Variants in GABRR1 observed in about 807,000 individuals in gnomAD.
GABRR1 encodes gamma-aminobutyric acid type A receptor subunit rho1, also known as gamma-aminobutyric acid receptor subunit rho-1.
GABRR1 carries 59 observed loss-of-function variants against 55.5 expected under a neutral mutation model. The observed-to-expected ratio is 1.06, with a 90% CI of 0.86 to 1.32. The LOEUF (loss-of-function observed/expected upper bound fraction) is 1.32. Among genes scored for constraint, GABRR1 ranks in the 40% most tolerant of loss-of-function variants. GABRR1 has a pLI of 0.00. For synonymous variants in GABRR1, 213 were observed against 226.0 expected (o/e 0.94, Z 0.51); for missense variants, 602 against 619.1 (o/e 0.97, Z 0.29).
At chr6:89,183,998 A>G (rs451498) in intron 7 of GABRR1, among the ~76,000 whole-genome samples, 71,947 of 151,870 alleles carry the variant, frequency 0.47, 17,550 homozygotes, top group Middle Eastern at 0.55. Context: ...CCAGCACTTC[A>G]GGAGGCTGAG....
At chr6:89,230,544 T>C (rs1259074313) in intron 1 of GABRR1, among the ~76,000 whole-genome samples, 1 of 152,248 alleles carries the variant, frequency 6.6e-6, no homozygotes, top group East Asian at 1.9e-4. Flanking sequence ...AGTGTGCCCC[T>C]GCCTGGGGGT....
Position 89,198,064 on chromosome 6 carries a change from G to A in GABRR1, c.528C>T (p.Val176=). ...TCCCATCAGGCTGGACCCGCAACATGACGTTGTCTGTGGTGGTGTCGTGGA... is the reference window on the plus strand; with the variant it reads ...TCCCATCAGGCTGGACCCGCAACATAACGTTGTCTGTGGTGGTGTCGTGGA... The part of the protein sequence containing the change: ...SFIHDTTTDN[V]MLRVQPDGKV... The change falls in exon 5 of 10, where the codon GTC becomes GTT. Residue 176 remains valine, a synonymous_variant. Coordinates refer to ENST00000454853, the MANE Select transcript of GABRR1 (RefSeq NM_002042.5). 6.2e-7 allele frequency: 1 copy of A among 1,614,168 alleles called. No individual in the cohort carries two copies.
intron 1 of GABRR1, among the ~76,000 whole-genome samples, chr6:89,209,747 G>C (rs1018830346): frequency 6.6e-5 from 10 of 152,114 alleles, no homozygotes; most frequent in Non-Finnish European, 1.3e-4. Context: ...TGCAGACTTG[G>C]CATCAGTCAG....
rs766747250 is a variant in GABRR1, at chr6:89,198,181, G to A, written c.411C>T (p.Ser137=). Residue 137 remains serine, a synonymous_variant, in exon 5 of 10, where the codon AGC becomes AGT. Transcript: ENST00000454853. The part of the protein sequence containing the change: ...YWKDERLSFP[S]TNNLSMTFDG... ...CAAACGTCATGCTGAGGTTGTTGGT[G>A]CTTGGAAAAGACAGCCTCTCGTCCT... 1 of 1,614,096 alleles carries A rather than the reference G, an allele frequency of 6.2e-7. No individual in the cohort carries two copies. Among genetic ancestry groups the A allele is most frequent in the South Asian group, 1.1e-5 (1 of 91,070 alleles).
intron 4 of GABRR1, 26 bp downstream of exon 4, chr6:89,199,336 A>G (rs764248228): frequency 6.7e-5 from 108 of 1,610,366 alleles, no homozygotes; most frequent in Middle Eastern, 6.6e-4. Context: ...TCCCCCTGCC[A>G]CGGCCCTGGT....
chr6:89,189,700 T>C (rs1220306436), intron 6 of GABRR1, among the ~76,000 whole-genome samples: 1 of 152,082 alleles, frequency 6.6e-6, no homozygotes, highest in African/African-American at 2.4e-5. Context: ...ATGAAGGTTT[T>C]AGTTTCAAAT....
chr6:89,193,740 T>C (rs1772175231), intron 5 of GABRR1, among the ~76,000 whole-genome samples: 1 of 152,164 alleles, frequency 6.6e-6, no homozygotes, highest in Non-Finnish European at 1.5e-5. Flanking sequence ...AAAGGCAAGC[T>C]GCTTCACTCC....
Position 89,185,310 on chromosome 6 carries a change from C to T in GABRR1, c.796G>A (p.Gly266Ser). 6.2e-7 allele frequency: 1 copy of T among 1,613,972 alleles called. No homozygotes were observed. The highest frequency in any genetic ancestry group is 8.5e-7 in the Non-Finnish European group (1 of 1,179,864). The change falls in exon 7 of 10, where the codon GGC becomes AGC. Residue 266 changes from glycine (G) to serine (S), a missense_variant and splice_region_variant. By Grantham distance (56) the Gly-to-Ser change is moderately conservative. Transcript: ENST00000454853. Reference protein sequence around the residue: ...TTKLAFYSSTGWYNRLYINFT... With the variant: ...TTKLAFYSSTSWYNRLYINFT... ...CTCTCAGCCCTCACTCTACACTTAC[C>T]TGTGCTGCTGTAGAAAGCCAGTTTG...
chr6:89,195,060 A>G (rs1772217591), intron 5 of GABRR1, among the ~76,000 whole-genome samples: 3 of 152,214 alleles, frequency 2.0e-5, no homozygotes, highest in Admixed American at 6.5e-5. Context: ...AACAGAATCA[A>G]TGCAAATAAG....
chr6:89,229,828 A>C lies in GABRR1; in HGVS notation c.-411+1388T>G, dbSNP rs1173413134. Among the ~76,000 whole-genome samples the C allele has an allele frequency of 1.0e-3, 126 of 125,298 alleles. 1 individual carries two copies. Among genetic ancestry groups the C allele is most frequent in the African/African-American group, 3.7e-3 (122 of 32,854 alleles). The allele number at this position is 125,298 out of a possible 152,430, so 82.2% of individuals were successfully genotyped here. ...TTGGCCTGCCTTGCTAGATTGGGGA[A>C]GTTCTCCTGGATAATATCCTGCAGA... is the stretch of plus-strand genomic sequence containing the variant. On this transcript the variant is annotated intron_variant, in intron 1 of 11. Transcript: ENST00000369451.
At chr6:89,187,782 T>C (rs774068558) in intron 6 of GABRR1, among the ~76,000 whole-genome samples, 1 of 152,382 alleles carries the variant, frequency 6.6e-6, no homozygotes, top group Middle Eastern at 3.4e-3. Context: ...TCATTCATGC[T>C]GTAGCATGTA....
chr6:89,194,569 C>T (rs1772203199), intron 5 of GABRR1, among the ~76,000 whole-genome samples: 1 of 152,168 alleles, frequency 6.6e-6, no homozygotes, highest in Admixed American at 6.5e-5. Context: ...TTTGTAATCT[C>T]TCTGACCAAG....
At position 89,177,606 on chromosome 6, in the gene GABRR1, A is replaced by G. The variant is rs1771583959; in HGVS notation, c.*1164T>C. The G allele has an allele frequency of 6.6e-6, 1 of 152,168 alleles. No homozygotes were observed. Among genetic ancestry groups the G allele is most frequent in the Non-Finnish European group, 1.5e-5 (1 of 68,026 alleles). 9.4% of individuals were successfully genotyped at this position (152,168 alleles called of 1,614,324 possible). On this transcript the variant is annotated 3_prime_UTR_variant, in exon 10 of 10. Transcript: ENST00000454853. ...TCTATATAGCAGATATATAATATAAATAACTGTTTTTAAGTGATACACCAG... is the reference window on the plus strand; with the variant it reads ...TCTATATAGCAGATATATAATATAAGTAACTGTTTTTAAGTGATACACCAG...
chr6:89,203,696 A>C (rs1410273020), intron 1 of GABRR1, among the ~76,000 whole-genome samples: 1 of 152,240 alleles, frequency 6.6e-6, no homozygotes, highest in Non-Finnish European at 1.5e-5. Context: ...TTCATTACTA[A>C]GAAGGCCTAA....
intron 2 of GABRR1, among the ~76,000 whole-genome samples, chr6:89,203,003 C>T (rs1377067366): frequency 6.6e-6 from 1 of 152,194 alleles, no homozygotes; most frequent in African/African-American, 2.4e-5. Flanking sequence ...CGTGAGCCAC[C>T]GCACCCAACC....
intron 1 of GABRR1, among the ~76,000 whole-genome samples, chr6:89,207,400 G>T (rs764892891): frequency 1.3e-4 from 19 of 151,970 alleles, no homozygotes; most frequent in Non-Finnish European, 2.4e-4. Context: ...TTGCCATGTT[G>T]CCCAGGCTGG....
rs556962008 is a variant in GABRR1, at chr6:89,213,725, G to C, written c.122+3476C>G. On this transcript the variant is annotated intron_variant, in intron 1 of 9. Transcript: ENST00000454853. ...AGTGAACATGCAGACTATATGCATG[G>C]CATAATTCCAAACTACTTAGTATTC... 4.6e-5 allele frequency among the ~76,000 whole-genome samples: 7 copies of C among 152,198 alleles called. No homozygotes were observed. The South Asian group carries it at 1.5e-3, about 32-fold the overall frequency.
upstream of GABRR1, among the ~76,000 whole-genome samples, chr6:89,221,991 A>G (rs1167237330): frequency 6.6e-6 from 1 of 152,230 alleles, no homozygotes; most frequent in Non-Finnish European, 1.5e-5. Context: ...AATCTGCTCC[A>G]GGACGAAGTG....
intron 6 of GABRR1, among the ~76,000 whole-genome samples, chr6:89,187,349 A>G (rs1771936812): frequency 6.6e-6 from 1 of 152,182 alleles, no homozygotes; most frequent in Admixed American, 6.5e-5. Flanking sequence ...ATATAATTAA[A>G]ATTATACTAC....
Sources: gnomAD v4.1 joint callset for allele counts (sites outside exome capture counted in the v4.1 genomes callset) on GRCh38, gnomAD v4.1.1 for gene constraint, MANE v1.5 for transcripts, NCBI Gene and HGNC (gene_info 2026-07-23, HGNC 2026-07-21) for gene names.